The following TESMIN variants were observed in gnomAD, a reference collection of about 807,000 sequenced individuals.
The protein encoded by TESMIN is CXC domain containing 2.
Under a neutral mutation model 47.4 loss-of-function variants are expected in TESMIN, and 34 were observed. The observed-to-expected ratio is 0.72, with a 90% CI of 0.55 to 0.96. The LOEUF is 0.96. Among genes scored for constraint, TESMIN ranks in the 40% least tolerant of loss-of-function variants. The pLI, the probability that TESMIN is intolerant of heterozygous loss-of-function variation, is 0.00. For synonymous variants in TESMIN, 278 were observed against 258.9 expected, an observed-to-expected ratio of 1.07 and a Z score of -0.71; for missense variants, 610 against 637.2, an observed-to-expected ratio of 0.96 and a Z score of 0.46.
At chr11:68,737,885 C>T (rs1045695072) in intron 6 of TESMIN, 7 of 943,086 alleles carry the variant, frequency 7.4e-6, no homozygotes, top group Non-Finnish European at 8.8e-6. Flanking sequence ...TGTATTCCAG[C>T]CTGGGTGACA....
chr11:68,717,041 C>T (rs1946148205), intron 6 of TESMIN, among the ~76,000 whole-genome samples: 1 of 152,250 alleles, frequency 6.6e-6, no homozygotes, highest in South Asian at 2.1e-4. Context: ...TGAGGGAAAC[C>T]CTGGGCGTGT....
intron 6 of TESMIN, among the ~76,000 whole-genome samples, chr11:68,720,126 A>G (rs540083211): frequency 6.6e-6 from 1 of 152,348 alleles, no homozygotes; most frequent in Admixed American, 6.5e-5. Flanking sequence ...ATTGGCAGAA[A>G]AAACCTGACA....
At chr11:68,731,390 T>C (rs1946325135) in intron 6 of TESMIN, among the ~76,000 whole-genome samples, 1 of 151,862 alleles carries the variant, frequency 6.6e-6, no homozygotes. Flanking sequence ...ATTGAGCCAC[T>C]GCACACCAGC....
At chr11:68,734,046 G>A (rs895077099) in intron 6 of TESMIN, among the ~76,000 whole-genome samples, 1 of 152,102 alleles carries the variant, frequency 6.6e-6, no homozygotes, top group Non-Finnish European at 1.5e-5. Context: ...TCTCCCCACT[G>A]AACAGCTCTT....
intron 6 of TESMIN, among the ~76,000 whole-genome samples, chr11:68,717,597 C>T (rs2153990965): frequency 6.6e-6 from 1 of 152,320 alleles, no homozygotes; most frequent in East Asian, 1.9e-4. Context: ...GGCGAGAGAA[C>T]TGGCGTGGCA....
intron 1 of TESMIN, among the ~76,000 whole-genome samples, chr11:68,751,162 GCCGGGGTGGGGGTCAGGTGAGGGGCGC>G (rs1946601846): frequency 2.3e-5 from 2 of 86,884 alleles, no homozygotes; most frequent in Middle Eastern, 9.3e-3. Flanking sequence ...AGAGGGGCCG[GCCGGGGTGGGGGTCAGGTGAGGGGCGC>G]CCAGGGGAGG....
At chr11:68,751,188 GCCCA>G (rs1946602864) in intron 1 of TESMIN, among the ~76,000 whole-genome samples, 2 of 104,662 alleles carry the variant, frequency 1.9e-5, no homozygotes, top group South Asian at 3.8e-4. Flanking sequence ...GGTGAGGGGC[GCCCA>G]GGGGAGGGGG....
chr11:68,720,799 A>C (rs1196683625), intron 6 of TESMIN, among the ~76,000 whole-genome samples: 2 of 152,222 alleles, frequency 1.3e-5, no homozygotes, highest in Non-Finnish European at 2.9e-5. Context: ...TTTTTGATAA[A>C]TGTAAATCAT....
At position 68,750,276 on chromosome 11, in the gene TESMIN, G is replaced by C. The variant is rs993828825; in HGVS notation, c.385C>G (p.Leu129Val). Residue 129 changes from leucine to valine, a missense_variant, in exon 2 of 10, where the codon CTA becomes GTA. Transcript: ENST00000255087. ...ACNVHFLSSL[L>V]PAHRSPAVLP... ...ACCGCCGGGCTGCGGTGCGCGGGTA[G>C]CAGCGAGGACAGGAAGTGCACGTTG... 1.3e-6 allele frequency: 2 copies of C among 1,548,388 alleles called. No individual in the cohort carries two copies. Among genetic ancestry groups the C allele is most frequent in the South Asian group, 1.2e-5 (1 of 83,228 alleles).
chr11:68,713,464 A>C, intron 7 of TESMIN, 57 bp from the exon 8 acceptor site: 7 of 1,580,338 alleles, frequency 4.4e-6, no homozygotes, highest in East Asian at 2.2e-5. Flanking sequence ...AACTCAGCTC[A>C]ATGAAGGGCA....
chr11:68,747,072 T>C, intron 3 of TESMIN, 136 bp downstream of exon 3: 1 of 920,172 alleles, frequency 1.1e-6, no homozygotes, highest in Non-Finnish European at 1.7e-6. Flanking sequence ...CCTGTTTTGC[T>C]AATGAGACAA....
At chr11:68,747,578 A>G (rs1946538206) in intron 2 of TESMIN, among the ~76,000 whole-genome samples, 1 of 152,210 alleles carries the variant, frequency 6.6e-6, no homozygotes, top group South Asian at 2.1e-4. Context: ...GAGCTGAGAC[A>G]GTGCCATTGC....
intron 6 of TESMIN, chr11:68,736,001 T>A: frequency 1.2e-6 from 1 of 838,692 alleles, no homozygotes; most frequent in Non-Finnish European, 1.4e-6. Context: ...GATGGACTGC[T>A]CTCTCAGTGC....
chr11:68,718,149 T>A (rs964416530), intron 6 of TESMIN, among the ~76,000 whole-genome samples: 3 of 131,228 alleles, frequency 2.3e-5, no homozygotes, highest in African/African-American at 8.5e-5. Flanking sequence ...AGCCCCCCGG[T>A]CAGCCCACCC....
intron 6 of TESMIN, among the ~76,000 whole-genome samples, chr11:68,727,915 G>A (rs1384995343): frequency 4.6e-5 from 7 of 152,180 alleles, no homozygotes; most frequent in Non-Finnish European, 1.0e-4. Flanking sequence ...GAACTTAAGT[G>A]CAATTGTTTT....
intron 6 of TESMIN, among the ~76,000 whole-genome samples, chr11:68,725,127 T>C (rs1946245623): frequency 6.6e-6 from 1 of 152,234 alleles, no homozygotes; most frequent in African/African-American, 2.4e-5. Flanking sequence ...AATTCATGTC[T>C]GGAGCGGGAT....
intron 6 of TESMIN, among the ~76,000 whole-genome samples, chr11:68,720,458 A>G (rs1299232597): frequency 6.6e-6 from 1 of 152,144 alleles, no homozygotes; most frequent in Non-Finnish European, 1.5e-5. Context: ...CTCAAAGGCA[A>G]TCAACCAGCT....
At position 68,750,531 on chromosome 11, in the gene TESMIN, C is replaced by G; in HGVS notation, c.130G>C (p.Asp44His). The G allele has an allele frequency of 6.2e-7, 1 of 1,605,288 alleles. No individual in the cohort carries two copies. Among genetic ancestry groups the G allele is most frequent in the Non-Finnish European group, 8.5e-7 (1 of 1,176,602 alleles). ...GCTTCTTTGAAGACGTGGAACTCGT[C>G]CTCCTCGTACTTCACGGGGGCCTTC... ...GLKAPVKYEE[D>H]EFHVFKEAYL... is the part of the protein sequence containing the mutation. The change falls in exon 2 of 10, where the codon GAC (aspartate) becomes CAC (histidine). Residue 44 changes from aspartate (D) to histidine (H), a missense_variant. Transcript: ENST00000255087.
chr11:68,710,926 G>A lies in TESMIN; in HGVS notation c.1282C>T (p.His428Tyr). Residue 428 changes from histidine (H) to tyrosine (Y), a missense_variant, in exon 9 of 10, where the codon CAT (histidine) becomes TAT (tyrosine). Physicochemically the swap from His to Tyr is moderately conservative, Grantham distance 83. Transcript: ENST00000255087. ...GAAAATTTCGTTGGTGGCAGGTAAT[G>A]GCTGCCTTCCAAACCTCCAGTCTGC... ...YMQTGGLEGS[H>Y]YLPPTKFSGL... 1 of 1,614,038 alleles carries A rather than the reference G, an allele frequency of 6.2e-7. No individual in the cohort carries two copies. Among genetic ancestry groups the A allele is most frequent in the East Asian group, 2.2e-5 (1 of 44,886 alleles).
Sources: gnomAD v4.1 joint callset for allele counts (sites outside exome capture counted in the v4.1 genomes callset) on GRCh38, gnomAD v4.1.1 for gene constraint, MANE v1.5 for transcripts, NCBI Gene and HGNC (gene_info 2026-07-23, HGNC 2026-07-21) for gene names.